The following CIMIP6 variants were observed in gnomAD, a reference collection of about 807,000 sequenced individuals.
The protein encoded by CIMIP6 is uncharacterized protein C2orf73.
At chr2:54,371,941 A>C in the CIMIP6 span, among the ~76,000 whole-genome samples, 2 of 152,198 alleles carry the variant, frequency 1.3e-5, no homozygotes, top group African/African-American at 4.8e-5. Flanking sequence ...TATCTGTTAA[A>C]TGATAATGTG....
At chr2:54,360,428 A>T in the CIMIP6 span, 1 of 1,599,342 alleles carries the variant, frequency 6.3e-7, no homozygotes. Flanking sequence ...AACAGACGTC[A>T]GACAGGCAGC....
At chr2:54,375,380 A>G in the CIMIP6 span, among the ~76,000 whole-genome samples, 50,782 of 152,094 alleles carry the variant, frequency 0.33, 9,525 homozygotes, top group East Asian at 0.6. Context: ...GAAATACAGA[A>G]TAAATACTGT....
the CIMIP6 span, among the ~76,000 whole-genome samples, chr2:54,380,947 G>A: frequency 1.3e-4 from 20 of 152,188 alleles, no homozygotes; most frequent in Admixed American, 5.9e-4. Context: ...TAAGAATGCC[G>A]AAACGCCTTG....
chr2:54,360,243 G>A, the CIMIP6 span: 4 of 1,607,054 alleles, frequency 2.5e-6, no homozygotes, highest in African/African-American at 5.4e-5. Flanking sequence ...AAACCAGGCA[G>A]TAGGCCAACA....
At chr2:54,360,475 G>C in the CIMIP6 span, 1 of 1,577,826 alleles carries the variant, frequency 6.3e-7, no homozygotes, top group Admixed American at 1.8e-5. Context: ...GCAGAGAAAA[G>C]ACCTCAGGCG....
At chr2:54,342,642 T>G in the CIMIP6 span, among the ~76,000 whole-genome samples, 1 of 151,842 alleles carries the variant, frequency 6.6e-6, no homozygotes, top group African/African-American at 2.4e-5. Context: ...AACATCTCCC[T>G]TTTTGCATCA....
the CIMIP6 span, among the ~76,000 whole-genome samples, chr2:54,331,210 A>T: frequency 6.6e-6 from 1 of 152,152 alleles, no homozygotes; most frequent in Admixed American, 6.5e-5. Context: ...CTTGACTTGC[A>T]TTACCGGATC....
At chr2:54,373,930 C>T in the CIMIP6 span, among the ~76,000 whole-genome samples, 1 of 152,226 alleles carries the variant, frequency 6.6e-6, no homozygotes, top group Non-Finnish European at 1.5e-5. Context: ...GTCTGTTTCT[C>T]TTAGACAGAG....
At chr2:54,341,861 G>T in the CIMIP6 span, among the ~76,000 whole-genome samples, 1 of 152,026 alleles carries the variant, frequency 6.6e-6, no homozygotes, top group South Asian at 2.1e-4. Context: ...GAGAAGAGCT[G>T]CCAGAAGCAG....
the CIMIP6 span, among the ~76,000 whole-genome samples, chr2:54,366,683 A>G: frequency 6.6e-6 from 1 of 152,198 alleles, no homozygotes; most frequent in African/African-American, 2.4e-5. Flanking sequence ...TAATGTCAGC[A>G]GACTTCTCAT....
the CIMIP6 span, among the ~76,000 whole-genome samples, chr2:54,352,244 A>G: frequency 4.0e-5 from 6 of 151,586 alleles, no homozygotes; most frequent in African/African-American, 1.5e-4. Flanking sequence ...TTACTTTAGT[A>G]GTGTGTAAAT....
chr2:54,374,710 T>G, the CIMIP6 span, among the ~76,000 whole-genome samples: 1 of 152,118 alleles, frequency 6.6e-6, no homozygotes, highest in South Asian at 2.1e-4. Context: ...AACAGATTTC[T>G]AATTCTCTTT....
the CIMIP6 span, among the ~76,000 whole-genome samples, chr2:54,368,789 G>C: frequency 5.3e-5 from 8 of 152,228 alleles, no homozygotes; most frequent in African/African-American, 7.2e-5. Flanking sequence ...TCCATGCCAT[G>C]TATCATCACA....
chr2:54,361,843 T>C, the CIMIP6 span, among the ~76,000 whole-genome samples: 1 of 152,220 alleles, frequency 6.6e-6, no homozygotes, highest in Non-Finnish European at 1.5e-5. Context: ...ACTTGAATTT[T>C]TATCCTCATT....
At chr2:54,356,780 A>T in the CIMIP6 span, among the ~76,000 whole-genome samples, 1 of 152,218 alleles carries the variant, frequency 6.6e-6, no homozygotes, top group East Asian at 1.9e-4. Context: ...AAGTCACACA[A>T]CTAGGAAATG....
chr2:54,362,872 G>A, the CIMIP6 span, among the ~76,000 whole-genome samples: 2 of 152,088 alleles, frequency 1.3e-5, no homozygotes, highest in Admixed American at 6.6e-5. Context: ...ATGGTACTTC[G>A]CCACTAAGTA....
chr2:54,336,123 C>G, the CIMIP6 span, among the ~76,000 whole-genome samples: 7 of 152,128 alleles, frequency 4.6e-5, no homozygotes, highest in African/African-American at 1.7e-4. Flanking sequence ...TTCTACCTAC[C>G]CTTACACAGT....
At chr2:54,355,429 T>C in the CIMIP6 span, among the ~76,000 whole-genome samples, 3 of 152,234 alleles carry the variant, frequency 2.0e-5, no homozygotes, top group African/African-American at 4.8e-5. Flanking sequence ...TTTGCATCCT[T>C]TGTGTCTCAT....
chr2:54,360,329 G>T, the CIMIP6 span: 1 of 1,611,420 alleles, frequency 6.2e-7, no homozygotes, highest in Non-Finnish European at 8.5e-7. Flanking sequence ...AACAGAGAAA[G>T]GAAACTCAGC....
Sources: gnomAD v4.1 joint callset for allele counts (sites outside exome capture counted in the v4.1 genomes callset) on GRCh38, gnomAD v4.1.1 for gene constraint, MANE v1.5 for transcripts, NCBI Gene and HGNC (gene_info 2026-07-23, HGNC 2026-07-21) for gene names.